PCSK2: variants seen among roughly 807,000 people sequenced by gnomAD.
PCSK2 encodes the protein proprotein convertase subtilisin/kexin type 2.
A neutral mutation model predicts 69.7 loss-of-function variants in PCSK2; 14 were observed. The ratio of observed to expected loss-of-function variants is 0.20; its 90% CI spans 0.13 to 0.31. The LOEUF (loss-of-function observed/expected upper bound fraction) is 0.31. Among genes scored for constraint, PCSK2 ranks in the 10% least tolerant of loss-of-function variants. The pLI is 1.00. For missense variants in PCSK2, 544 were observed against 842.5 expected (o/e 0.65, Z 4.39); for synonymous variants, 307 against 320.7 (o/e 0.96, Z 0.46).
intron 2 of PCSK2, 148 bp downstream of exon 2, chr20:17,260,492 A>G (rs1219180257): frequency 9.6e-6 from 6 of 622,344 alleles, no homozygotes; most frequent in Non-Finnish European, 1.7e-5. Context: ...GAGTCATATC[A>G]GGGACTCTCT....
chr20:17,420,711 T>G (rs1170265313), intron 6 of PCSK2, among the ~76,000 whole-genome samples: 1 of 152,208 alleles, frequency 6.6e-6, no homozygotes, highest in African/African-American at 2.4e-5. Context: ...TCAATAACTC[T>G]TTTCTTAAGA....
intron 8 of PCSK2, among the ~76,000 whole-genome samples, chr20:17,439,587 A>G (rs1316293029): frequency 6.6e-6 from 1 of 152,224 alleles, no homozygotes; most frequent in Non-Finnish European, 1.5e-5. Context: ...CAGTCTGATT[A>G]GATTATATTT....
chr20:17,301,021 A>G lies in PCSK2; in HGVS notation c.282+40677A>G, dbSNP rs180883225. ...AAGGATGAAAAGAAACTTAATGAAG[A>G]TGTAGTCACTATTGCTTGGGAAGGG... is the stretch of plus-strand genomic sequence containing the variant. On this transcript the variant is annotated intron_variant, in intron 2 of 11. Transcript: ENST00000262545. Among the ~76,000 whole-genome samples the G allele has an allele frequency of 4.5e-4, 68 of 152,374 alleles. No individual in the cohort carries two copies. In the South Asian group the frequency reaches 9.5e-3, roughly 21 times the overall value.
chr20:17,268,238 CA>C (rs1482645523), intron 2 of PCSK2, among the ~76,000 whole-genome samples: 2 of 151,912 alleles, frequency 1.3e-5, no homozygotes, highest in Non-Finnish European at 2.9e-5. Context: ...TGAAATATAA[CA>C]GTGAACAAGA....
intron 9 of PCSK2, among the ~76,000 whole-genome samples, chr20:17,455,678 T>C (rs2032906270): frequency 6.6e-6 from 1 of 152,176 alleles, no homozygotes. Context: ...GCAACAAAAC[T>C]AGGGTGGGGG....
intron 2 of PCSK2, among the ~76,000 whole-genome samples, chr20:17,322,606 C>G (rs1989903169): frequency 6.6e-6 from 1 of 152,138 alleles, no homozygotes; most frequent in Admixed American, 6.5e-5. Context: ...GTTCTGGAGG[C>G]TGGTAGGTCT....
intron 5 of PCSK2, among the ~76,000 whole-genome samples, chr20:17,376,687 A>C (rs1600532003): frequency 6.6e-6 from 1 of 152,236 alleles, no homozygotes; most frequent in Non-Finnish European, 1.5e-5. Flanking sequence ...TCATTCATGC[A>C]TTCAATCATT....
At chr20:17,274,092 G>C (rs1373271265) in intron 2 of PCSK2, among the ~76,000 whole-genome samples, 1 of 152,142 alleles carries the variant, frequency 6.6e-6, no homozygotes, top group African/African-American at 2.4e-5. Context: ...TTGGGGAGCA[G>C]TAGAAGTCCC....
chr20:17,430,929 G>A (rs2032351004), intron 7 of PCSK2, among the ~76,000 whole-genome samples: 1 of 152,154 alleles, frequency 6.6e-6, no homozygotes, highest in African/African-American at 2.4e-5. Context: ...GGAGGTTCCT[G>A]GGAGCTTCTT....
At chr20:17,277,754 A>G (rs948054818) in intron 2 of PCSK2, among the ~76,000 whole-genome samples, 11 of 152,134 alleles carry the variant, frequency 7.2e-5, no homozygotes, top group African/African-American at 2.6e-4. Context: ...CTGCACAGCA[A>G]AAGAAATTAC....
chr20:17,421,974 G>A (rs2032141225), intron 6 of PCSK2, among the ~76,000 whole-genome samples: 1 of 151,996 alleles, frequency 6.6e-6, no homozygotes, highest in South Asian at 2.1e-4. Context: ...AAGCAGTCTT[G>A]AAAAAGACTT....
intron 6 of PCSK2, among the ~76,000 whole-genome samples, chr20:17,425,318 G>A (rs527804876): frequency 9.2e-5 from 14 of 152,172 alleles, no homozygotes; most frequent in South Asian, 6.2e-4. Flanking sequence ...CTCAAAGTGC[G>A]CATTAAATAA....
intron 2 of PCSK2, among the ~76,000 whole-genome samples, chr20:17,351,336 CT>C (rs1470974241): frequency 6.6e-6 from 1 of 152,174 alleles, no homozygotes; most frequent in Non-Finnish European, 1.5e-5. Context: ...AGACTCCTCT[CT>C]AACTTATTCT....
At chr20:17,237,506 A>G (rs190700303) in intron 1 of PCSK2, among the ~76,000 whole-genome samples, 106 of 152,198 alleles carry the variant, frequency 7.0e-4, no homozygotes, top group South Asian at 1.2e-3. Context: ...ATATGGAAAA[A>G]GAATCAAGAG....
chr20:17,272,107 G>A (rs1568578761), intron 2 of PCSK2, among the ~76,000 whole-genome samples: 2 of 152,028 alleles, frequency 1.3e-5, no homozygotes, highest in African/African-American at 4.8e-5. Flanking sequence ...TAGTTATCAT[G>A]CCCCCTGGAC....
chr20:17,279,397 C>T (rs1238001082), intron 2 of PCSK2, among the ~76,000 whole-genome samples: 2 of 152,042 alleles, frequency 1.3e-5, no homozygotes, highest in African/African-American at 2.4e-5. Flanking sequence ...GCTCTTAGTT[C>T]TCTGCATTTT....
At chr20:17,259,549 G>T (rs1398673054) in intron 1 of PCSK2, among the ~76,000 whole-genome samples, 1 of 152,170 alleles carries the variant, frequency 6.6e-6, no homozygotes, top group Non-Finnish European at 1.5e-5. Flanking sequence ...TTGAATCATA[G>T]AACAAATGAT....
chr20:17,249,250 T>C (rs1428839891), intron 1 of PCSK2, among the ~76,000 whole-genome samples: 2 of 152,178 alleles, frequency 1.3e-5, no homozygotes, highest in Non-Finnish European at 2.9e-5. Context: ...CTCACGCCTG[T>C]AATCCCAGCA....
intron 1 of PCSK2, among the ~76,000 whole-genome samples, chr20:17,259,056 G>A (rs1346041547): frequency 6.6e-6 from 1 of 151,658 alleles, no homozygotes; most frequent in Admixed American, 6.6e-5. Flanking sequence ...CCACACTGAG[G>A]TTCTATGTGA....
Sources: gnomAD v4.1 joint callset for allele counts (sites outside exome capture counted in the v4.1 genomes callset) on GRCh38, gnomAD v4.1.1 for gene constraint, MANE v1.5 for transcripts, NCBI Gene and HGNC (gene_info 2026-07-23, HGNC 2026-07-21) for gene names.